Variants in TCN1 observed in about 807,000 individuals in gnomAD.
The protein encoded by TCN1 is transcobalamin 1, also known as transcobalamin-1.
In TCN1, 47 loss-of-function variants were observed where a neutral mutation model predicts 46.3. The observed-to-expected ratio is 1.01, with a 90% CI of 0.80 to 1.29. The LOEUF (loss-of-function observed/expected upper bound fraction) is 1.29. TCN1 is among the 50% of genes most tolerant of loss of function. TCN1 has a pLI of 0.00. For missense variants in TCN1, 532 were observed against 511.0 expected (o/e 1.04, Z -0.40); for synonymous variants, 183 against 192.5 (o/e 0.95, Z 0.41).
chr11:59,858,216 G>A (rs1022164468), intron 5 of TCN1, among the ~76,000 whole-genome samples: 1 of 152,234 alleles, frequency 6.6e-6, no homozygotes, highest in Non-Finnish European at 1.5e-5. Context: ...TCTGATAACC[G>A]GCTACTAAGT....
rs1275619763 is a variant in TCN1, at chr11:59,866,424, G to GAAAAC, written c.42_46dup (p.Ser16CysfsTer15). 6.2e-7 allele frequency: 1 copy of GAAAAC among 1,613,506 alleles called. No homozygotes were observed. Among genetic ancestry groups the GAAAAC allele is most frequent in the Admixed American group, 1.7e-5 (1 of 59,974 alleles). ...CTCGCATAGTTGGCTTGGAATAAAA[G>GAAAAC]AAAACAGTAAGAGCCCCACTAGGGG... On this transcript the variant is annotated frameshift_variant, in exon 1 of 9. Coordinates refer to ENST00000257264, the MANE Select transcript of TCN1 (RefSeq NM_001062.4). LOFTEE classifies it high-confidence loss of function.
At position 59,852,896 on chromosome 11, in the gene TCN1, G is replaced by T; in HGVS notation, c.*79C>A. On this transcript the variant is annotated 3_prime_UTR_variant, in exon 9 of 9. Coordinates refer to ENST00000257264, the MANE Select transcript of TCN1 (RefSeq NM_001062.4). ...CTCTCCTGCTCGTACTGGGATAAAT[G>T]AAGAAGAAGGCATAAGGACAATAAA... The T allele has an allele frequency of 7.7e-7, 1 of 1,292,118 alleles. No homozygotes were observed. Among genetic ancestry groups the T allele is most frequent in the Non-Finnish European group, 1.1e-6 (1 of 886,668 alleles). The allele number at this position is 1,292,118 out of a possible 1,614,324, so 80.0% of individuals were successfully genotyped here.
At chr11:59,856,204 A>G (rs1852936245) in intron 5 of TCN1, 146 bp from the exon 6 acceptor site, 1 of 677,568 alleles carries the variant, frequency 1.5e-6, no homozygotes, top group Non-Finnish European at 2.5e-6. Context: ...CTACCTAGGA[A>G]GCACCTCAGA....
rs535198384 is a variant in TCN1 at position 59,859,206 on chromosome 11, C to T, written c.618G>A (p.Gln206=). The change falls in exon 5 of 9, where the codon CAG becomes CAA. Residue 206 remains glutamine (Q), a synonymous_variant. Coordinates refer to ENST00000257264, the MANE Select transcript of TCN1 (RefSeq NM_001062.4). ...TTAAACTGCCTTCATCTGCTTTGAT[C>T]TGCCCATTTATTAGACTCTTCTTCA... The part of the protein sequence containing the change: ...TCVKKSLING[Q]IKADEGSLKN... 6.2e-7 allele frequency: 1 copy of T among 1,613,952 alleles called. No homozygotes were observed. The highest frequency in any genetic ancestry group is 1.7e-5 in the Admixed American group (1 of 60,024).
intron 7 of TCN1, among the ~76,000 whole-genome samples, chr11:59,854,323 G>A (rs959627655): frequency 1.3e-5 from 2 of 151,368 alleles, no homozygotes; most frequent in African/African-American, 2.5e-5. Flanking sequence ...AAAGGGGTCC[G>A]TGATTCAAAA....
intron 5 of TCN1, 55 bp downstream of exon 5, chr11:59,859,022 G>T: frequency 6.3e-7 from 1 of 1,576,956 alleles, no homozygotes; most frequent in South Asian, 1.1e-5. Flanking sequence ...AAAAAATACT[G>T]CTTTCTTCCA....
intron 2 of TCN1, among the ~76,000 whole-genome samples, chr11:59,862,932 C>A (rs1853032750): frequency 6.6e-6 from 1 of 152,128 alleles, no homozygotes; most frequent in Non-Finnish European, 1.5e-5. Flanking sequence ...ACTTACACAA[C>A]CTAGATGGTA....
rs562948407 is a variant in TCN1, at chr11:59,863,336, G to GT, written c.259+570dup. Among the ~76,000 whole-genome samples the GT allele has an allele frequency of 1.9e-3, 283 of 151,220 alleles. 2 individuals carry two copies. The highest frequency in any genetic ancestry group is 3.4e-3 in the Middle Eastern group (1 of 294). ...AAATAGATAAACAACAAGATCTTGG[G>GT]TTTTTTTTTCTTTGTGGTACCAGCT... On this transcript the variant is annotated intron_variant, in intron 2 of 8. Transcript: ENST00000257264.
chr11:59,859,020 CT>C (rs1487398797), intron 5 of TCN1, 56 bp downstream of exon 5: 1 of 1,554,092 alleles, frequency 6.4e-7, no homozygotes, highest in Non-Finnish European at 8.8e-7. Context: ...AAAAAAAATA[CT>C]GCTTTCTTCC....
chr11:59,863,855 C>A, intron 2 of TCN1, 52 bp downstream of exon 2: 1 of 1,604,640 alleles, frequency 6.2e-7, no homozygotes, highest in Non-Finnish European at 8.5e-7. Flanking sequence ...TGCAGATAAT[C>A]TTTAAATAGG....
chr11:59,864,439 C>T (rs1178752583), intron 1 of TCN1, among the ~76,000 whole-genome samples: 1 of 152,148 alleles, frequency 6.6e-6, no homozygotes, highest in African/African-American at 2.4e-5. Context: ...GGAGGCTGAG[C>T]TGAAACTAGA....
At chr11:59,854,060 G>A (rs771020173) in intron 7 of TCN1, among the ~76,000 whole-genome samples, 4 of 151,182 alleles carry the variant, frequency 2.6e-5, no homozygotes, top group Non-Finnish European at 5.9e-5. Flanking sequence ...TTCTGAAAGC[G>A]AGGGCAGGGA....
chr11:59,862,625 G>T lies in TCN1; in HGVS notation c.357C>A (p.Ile119=). The change falls in exon 3 of 9, where the codon ATC becomes ATA. Residue 119 remains isoleucine, a synonymous_variant. Coordinates refer to ENST00000257264, the MANE Select transcript of TCN1 (RefSeq NM_001062.4). The part of the protein sequence containing the change: ...EENLIYDYHL[I]DKLENKFQAE... ...CTTGGAATTTATTTTCTAGCTTGTC[G>T]ATCAGGTGGTAATCATATATTAAGT... 6.2e-7 allele frequency: 1 copy of T among 1,613,516 alleles called. No homozygotes were observed. The highest frequency in any genetic ancestry group is 8.5e-7 in the Non-Finnish European group (1 of 1,179,730).
intron 6 of TCN1, 149 bp downstream of exon 6, chr11:59,855,720 G>A (rs1201985589): frequency 4.7e-6 from 4 of 847,652 alleles, no homozygotes; most frequent in South Asian, 3.0e-5. Context: ...GTAAACCCTG[G>A]TAACATGAGG....
In TCN1 at chr11:59,857,658, T is replaced by G. The variant is rs367717899; in HGVS notation, c.747+1419A>C. ...TTCATACTGATGATGCAGTAAAGTT[T>G]TTTTTTTTTCTGTAAACCTTCCTTG... On this transcript the variant is annotated intron_variant, in intron 5 of 8. Coordinates refer to ENST00000257264, the MANE Select transcript of TCN1 (RefSeq NM_001062.4). Among the ~76,000 whole-genome samples, 34 of 152,280 alleles carry G rather than the reference T, an allele frequency of 2.2e-4. No homozygotes were observed. The South Asian group carries it at 6.8e-3, about 31-fold the overall frequency.
intron 1 of TCN1, among the ~76,000 whole-genome samples, chr11:59,864,681 C>T (rs1229214290): frequency 6.6e-6 from 1 of 152,130 alleles, no homozygotes; most frequent in African/African-American, 2.4e-5. Context: ...TTTTAGCCTA[C>T]AATATGCCCC....
intron 1 of TCN1, among the ~76,000 whole-genome samples, chr11:59,864,339 T>C (rs1033020076): frequency 6.6e-6 from 1 of 152,212 alleles, no homozygotes; most frequent in African/African-American, 2.4e-5. Flanking sequence ...CATTGTGTAC[T>C]GGCAGACTCC....
intron 6 of TCN1, among the ~76,000 whole-genome samples, chr11:59,855,223 C>G (rs1223216231): frequency 6.6e-6 from 1 of 152,054 alleles, no homozygotes; most frequent in African/African-American, 2.4e-5. Context: ...AGGCACTATA[C>G]TAATCATTTT....
intron 4 of TCN1, among the ~76,000 whole-genome samples, chr11:59,860,364 G>A (rs1853003685): frequency 6.6e-6 from 1 of 151,630 alleles, no homozygotes; most frequent in Non-Finnish European, 1.5e-5. Context: ...CCCGACCTCA[G>A]GTGATCCACC....
Sources: gnomAD v4.1 joint callset for allele counts (sites outside exome capture counted in the v4.1 genomes callset) on GRCh38, gnomAD v4.1.1 for gene constraint, MANE v1.5 for transcripts, NCBI Gene and HGNC (gene_info 2026-07-23, HGNC 2026-07-21) for gene names.